Variants in SPART observed in about 807,000 individuals in gnomAD.
SPART encodes the protein spastic paraplegia 20 (Troyer syndrome).
In SPART, 35 loss-of-function variants were observed where a neutral mutation model predicts 58.7. That is an observed-to-expected ratio of 0.60 (90% CI 0.46 to 0.79). The LOEUF is 0.79. Among genes scored for constraint, SPART ranks in the 30% least tolerant of loss-of-function variants. The probability of loss-of-function intolerance (pLI) is 0.00; values close to 1 mark genes in which losing one functional copy is unlikely to be tolerated. For synonymous variants in SPART, 284 were observed against 280.7 expected (o/e 1.01, Z -0.12); for missense variants, 730 against 786.1 (o/e 0.93, Z 0.85).
chr13:36,363,636 A>C (rs1214701523), intron 1 of SPART, among the ~76,000 whole-genome samples: 3 of 152,210 alleles, frequency 2.0e-5, no homozygotes, highest in African/African-American at 4.8e-5. Context: ...ATTACTGCTC[A>C]AGATAGCCAT....
At chr13:36,309,576 C>T (rs749369277) in intron 8 of SPART, among the ~76,000 whole-genome samples, 3 of 152,112 alleles carry the variant, frequency 2.0e-5, no homozygotes, top group Non-Finnish European at 4.4e-5. Flanking sequence ...AAATCATATC[C>T]TTTGCAGCAA....
rs748835312 is a variant in SPART at position 36,335,146 on chromosome 13, G to A, written c.685C>T (p.Gln229Ter). Residue 229 changes from glutamine (Q) to a stop codon, truncating the protein, a stop_gained, in exon 2 of 9, where the codon CAG becomes TAG. Transcript: ENST00000438666. LOFTEE classifies it high-confidence loss of function. ...DELILIPNGV[Q>*]IFFVNPAGEV... Reference sequence around the variant, plus strand: ...CCTGCAGGATTTACAAAAAAAATCTGTACTCCATTTGGTATCAAAATCAAT... The same window carrying A: ...CCTGCAGGATTTACAAAAAAAATCTATACTCCATTTGGTATCAAAATCAAT... 1 of 1,614,084 alleles carries A rather than the reference G, an allele frequency of 6.2e-7. No homozygotes were observed. The highest frequency in any genetic ancestry group is 1.7e-5 in the Admixed American group (1 of 59,996).
chr13:36,317,069 C>T (rs956303045), intron 5 of SPART, among the ~76,000 whole-genome samples: 5 of 152,094 alleles, frequency 3.3e-5, no homozygotes, highest in Admixed American at 6.6e-5. Context: ...ACGTTTTATC[C>T]GTGGACCCAA....
intron 4 of SPART, among the ~76,000 whole-genome samples, chr13:36,328,833 GAA>G (rs1169013043): frequency 6.6e-6 from 1 of 150,576 alleles, no homozygotes; most frequent in Non-Finnish European, 1.5e-5. Context: ...GGCAGTGTAA[GAA>G]AAAAAAAGAC....
chr13:36,337,581 C>T (rs1389908473), intron 1 of SPART, among the ~76,000 whole-genome samples: 1 of 152,168 alleles, frequency 6.6e-6, no homozygotes, highest in Non-Finnish European at 1.5e-5. Flanking sequence ...CTTCATCTTC[C>T]GCCATGACTG....
At chr13:36,351,383 T>G (rs1885404919), upstream of SPART, among the ~76,000 whole-genome samples, 1 of 152,212 alleles carries the variant, frequency 6.6e-6, no homozygotes, top group Admixed American at 6.5e-5. Flanking sequence ...TTGCTGACAT[T>G]CTTTAATGAT....
chr13:36,356,504 C>T (rs1885628341), intron 1 of SPART, among the ~76,000 whole-genome samples: 1 of 152,234 alleles, frequency 6.6e-6, no homozygotes, highest in South Asian at 2.1e-4. Context: ...TTAATCCAGA[C>T]AGCCTGCCCT....
chr13:36,364,655 G>A (rs1257260119), intron 1 of SPART, among the ~76,000 whole-genome samples: 2 of 152,144 alleles, frequency 1.3e-5, no homozygotes, highest in African/African-American at 4.8e-5. Context: ...ATTTGTCAAG[G>A]GAAATATTTG....
chr13:36,311,512 T>C (rs945507171), intron 8 of SPART, among the ~76,000 whole-genome samples: 1 of 152,182 alleles, frequency 6.6e-6, no homozygotes, highest in Non-Finnish European at 1.5e-5. Context: ...TAATTATAAT[T>C]CAAGTTTTTT....
rs147028573 is a variant in SPART, at chr13:36,335,122, C to A, written c.709G>T (p.Gly237Trp). The A allele has an allele frequency of 2.5e-6, 4 of 1,614,154 alleles. No homozygotes were observed. The highest frequency in any genetic ancestry group is 2.5e-6 in the Non-Finnish European group (3 of 1,180,018). The change falls in exon 2 of 9, where the codon GGG (glycine) becomes TGG (tryptophan). Residue 237 changes from glycine to tryptophan, a missense_variant. Gly to Trp is a radical substitution (Grantham distance 184, BLOSUM62 -2). Coordinates refer to ENST00000438666, the MANE Select transcript of SPART (RefSeq NM_015087.5). ...GVQIFFVNPA[G>W]EVSAPSYPGY... is the part of the protein sequence containing the mutation. ...GGATACGAAGGTGCACTAACCTCCC[C>A]TGCAGGATTTACAAAAAAAATCTGT...
intron 2 of SPART, among the ~76,000 whole-genome samples, chr13:36,332,962 CA>C (rs1337958936): frequency 6.7e-6 from 1 of 149,692 alleles, no homozygotes; most frequent in Admixed American, 6.6e-5. Flanking sequence ...ATAGAGTTGA[CA>C]AAAAAATTGT....
intron 1 of SPART, chr13:36,368,059 C>A (rs558148837): frequency 2.1e-5 from 6 of 281,496 alleles, no homozygotes; most frequent in South Asian, 6.5e-5. Flanking sequence ...TATTAGTAAA[C>A]CTTTGCCCCT....
At chr13:36,330,456 C>T (rs1883361125) in intron 3 of SPART, among the ~76,000 whole-genome samples, 1 of 151,104 alleles carries the variant, frequency 6.6e-6, no homozygotes. Context: ...ACACACACAT[C>T]CCCCACACCT....
Position 36,335,842 on chromosome 13 carries a change from T to A in SPART, c.-2-10A>T. ...GGCTCTTGCTCCATTTCTGCAAAAT[T>A]GGAGACATATTTAATTATCTTGCTT... On this transcript the variant is annotated splice_polypyrimidine_tract_variant and intron_variant, in intron 1 of 8. Coordinates refer to ENST00000438666, the MANE Select transcript of SPART (RefSeq NM_015087.5). 6.3e-7 allele frequency: 1 copy of A among 1,598,602 alleles called. No individual in the cohort carries two copies. The highest frequency in any genetic ancestry group is 8.5e-7 in the Non-Finnish European group (1 of 1,169,908).
At chr13:36,315,694 A>C (rs2137349506) in intron 5 of SPART, among the ~76,000 whole-genome samples, 1 of 152,334 alleles carries the variant, frequency 6.6e-6, no homozygotes, top group African/African-American at 2.4e-5. Context: ...AAACAACAAA[A>C]GGCTTGAAGA....
rs1555266131 is a variant in SPART, at chr13:36,359,938, A to AAAAC, written c.-3+10150_-3+10151insGTTT. On this transcript the variant is annotated intron_variant, in intron 1 of 8. Coordinates refer to the SPART transcript ENST00000355182. ...GTTGTTAATTTAAAAAAAAAAAAAA[A>AAAAC]AAAACACCTCTTTGAACATAGTAGA... Among the ~76,000 whole-genome samples, 595 of 151,490 alleles carry AAAAC rather than the reference A, an allele frequency of 3.9e-3. 8 individuals are homozygous for AAAAC. Among genetic ancestry groups the AAAAC allele is most frequent in the Admixed American group, 0.033 (503 of 15,156 alleles).
At chr13:36,366,993 T>G (rs1886083502) in intron 1 of SPART, among the ~76,000 whole-genome samples, 1 of 152,146 alleles carries the variant, frequency 6.6e-6, no homozygotes, top group Non-Finnish European at 1.5e-5. Context: ...GGAGGAGCGC[T>G]AGCTGCTGTT....
At chr13:36,310,669 C>T (rs747563390) in intron 8 of SPART, among the ~76,000 whole-genome samples, 18 of 152,108 alleles carry the variant, frequency 1.2e-4, no homozygotes, top group Non-Finnish European at 1.9e-4. Flanking sequence ...CTGCTGACCA[C>T]GAGAAAATCC....
At chr13:36,364,599 T>A (rs894118876) in intron 1 of SPART, among the ~76,000 whole-genome samples, 5 of 152,098 alleles carry the variant, frequency 3.3e-5, no homozygotes, top group Non-Finnish European at 7.4e-5. Context: ...TAGTTTCAGG[T>A]CCCATTAACG....
Sources: gnomAD v4.1 joint callset for allele counts (sites outside exome capture counted in the v4.1 genomes callset) on GRCh38, gnomAD v4.1.1 for gene constraint, MANE v1.5 for transcripts, NCBI Gene and HGNC (gene_info 2026-07-23, HGNC 2026-07-21) for gene names.